Variants in PTPRQ observed in about 807,000 individuals in gnomAD.
The protein encoded by PTPRQ is phosphatidylinositol phosphatase PTPRQ.
A neutral mutation model predicts 246.0 loss-of-function variants in PTPRQ; 199 were observed. The ratio of observed to expected loss-of-function variants is 0.81; its 90% CI spans 0.72 to 0.91. PTPRQ has a LOEUF of 0.91. Among genes scored for constraint, PTPRQ ranks in the 40% least tolerant of loss-of-function variants. PTPRQ has a pLI of 0.00. For synonymous variants in PTPRQ, 869 were observed against 853.2 expected, an observed-to-expected ratio of 1.02 and a Z score of -0.32; for missense variants, 2,624 against 2,528.4, an observed-to-expected ratio of 1.04 and a Z score of -0.81.
chr12:80,546,365 T>A (rs1896305018), intron 23 of PTPRQ, among the ~76,000 whole-genome samples, 191 bp from the exon 24 acceptor site: 2 of 152,082 alleles, frequency 1.3e-5, no homozygotes, highest in Non-Finnish European at 2.9e-5. Flanking sequence ...GCCCAATTCA[T>A]CCTTGTATCA....
intron 8 of PTPRQ, among the ~76,000 whole-genome samples, chr12:80,479,113 G>A (rs1893933660): frequency 6.6e-6 from 1 of 151,818 alleles, no homozygotes; most frequent in African/African-American, 2.4e-5. Flanking sequence ...AAAATGTTAA[G>A]GGCAGCCGGA....
At chr12:80,489,519 GA>G (rs1894379881) in intron 9 of PTPRQ, among the ~76,000 whole-genome samples, 1 of 151,922 alleles carries the variant, frequency 6.6e-6, no homozygotes, top group South Asian at 2.1e-4. Context: ...AGAGTTTTCC[GA>G]AGACTTAATA....
intron 26 of PTPRQ, among the ~76,000 whole-genome samples, chr12:80,596,994 A>ACTC (rs922495952): frequency 6.6e-6 from 1 of 151,954 alleles, no homozygotes; most frequent in Non-Finnish European, 1.5e-5. Flanking sequence ...CAGAGTCTAC[A>ACTC]CTCTTAGATC....
intron 17 of PTPRQ, among the ~76,000 whole-genome samples, chr12:80,530,502 C>G (rs1372801243): frequency 1.3e-5 from 2 of 152,134 alleles, no homozygotes; most frequent in Non-Finnish European, 2.9e-5. Context: ...ACTTTGCTTG[C>G]ACTGTCTAAC....
rs1185840167 is a variant in PTPRQ at position 80,454,531 on chromosome 12, T to C, written c.391-3044T>C. The C allele has an allele frequency of 1.0e-5, 7 of 702,606 alleles. No homozygotes were observed. The East Asian group carries it at 1.6e-4, about 16-fold the overall frequency. 43.5% of individuals were successfully genotyped at this position (702,606 alleles called of 1,614,324 possible). A position where few individuals can be genotyped will look rare whatever the true frequency, so the allele number is the denominator to read the frequency against. On this transcript the variant is annotated intron_variant, in intron 3 of 44. Coordinates refer to ENST00000644991, the MANE Select transcript of PTPRQ (RefSeq NM_001145026.2). ...TCAATAGGATTGGTGAGAGTAGACA[T>C]CCTACTTTTGTTGCATTTCTTAGGG...
chr12:80,593,210 T>G (rs1897860834), intron 26 of PTPRQ, among the ~76,000 whole-genome samples: 1 of 152,158 alleles, frequency 6.6e-6, no homozygotes, highest in Non-Finnish European at 1.5e-5. Flanking sequence ...CTGGATCTTC[T>G]CTATAAAGAG....
chr12:80,530,509 T>C (rs1237503210), intron 17 of PTPRQ, among the ~76,000 whole-genome samples: 1 of 152,192 alleles, frequency 6.6e-6, no homozygotes, highest in East Asian at 1.9e-4. Context: ...TTGCACTGTC[T>C]AACGAATGGT....
At chr12:80,623,112 G>A (rs935712129) in intron 33 of PTPRQ, among the ~76,000 whole-genome samples, 1 of 152,104 alleles carries the variant, frequency 6.6e-6, no homozygotes, top group Non-Finnish European at 1.5e-5. Context: ...AGATCCTGGC[G>A]AGCTGTTGCT....
chr12:80,513,033 A>G (rs769895168), intron 17 of PTPRQ, among the ~76,000 whole-genome samples: 2 of 152,016 alleles, frequency 1.3e-5, no homozygotes, highest in Non-Finnish European at 2.9e-5. Context: ...CTAGGGGTGA[A>G]TGTTTACAGC....
chr12:80,593,747 GGT>G (rs1024913057), intron 26 of PTPRQ: 1 of 152,018 alleles, frequency 6.6e-6, no homozygotes, highest in Non-Finnish European at 1.5e-5. Context: ...CAGTTTGAGT[GGT>G]GTGTGTATAT....
At chr12:80,565,383 A>C (rs11114513) in intron 25 of PTPRQ, among the ~76,000 whole-genome samples, 66 of 152,260 alleles carry the variant, frequency 4.3e-4, no homozygotes, top group Middle Eastern at 3.4e-3. Context: ...TGTTTTTATT[A>C]ACTTATTTAG....
intron 25 of PTPRQ, among the ~76,000 whole-genome samples, chr12:80,554,348 G>A (rs1177569388): frequency 6.6e-6 from 1 of 151,986 alleles, no homozygotes; most frequent in Non-Finnish European, 1.5e-5. Flanking sequence ...CACCTACTAT[G>A]TACCCATAAA....
At chr12:80,504,038 G>A (rs903505601) in intron 14 of PTPRQ, among the ~76,000 whole-genome samples, 1 of 151,384 alleles carries the variant, frequency 6.6e-6, no homozygotes, top group African/African-American at 2.4e-5. Flanking sequence ...ATTTCTGCTT[G>A]AGATTTACTG....
At chr12:80,583,931 A>T (rs568645588) in intron 25 of PTPRQ, 4 of 152,176 alleles carry the variant, frequency 2.6e-5, no homozygotes, top group Non-Finnish European at 5.9e-5. Flanking sequence ...TCAGCTCCCA[A>T]AGATGTTCTG....
At chr12:80,448,305 G>A (rs916091567) in intron 3 of PTPRQ, among the ~76,000 whole-genome samples, 3 of 151,960 alleles carry the variant, frequency 2.0e-5, no homozygotes, top group African/African-American at 7.2e-5. Flanking sequence ...TGTCGTTAGA[G>A]TTTTCTAGAT....
chr12:80,626,642 C>T (rs1011822043), intron 33 of PTPRQ, among the ~76,000 whole-genome samples: 1 of 152,108 alleles, frequency 6.6e-6, no homozygotes, highest in Non-Finnish European at 1.5e-5. Context: ...GGTGGCAGAA[C>T]CTGCTTTCAG....
At chr12:80,480,192 T>A (rs1317641276) in intron 8 of PTPRQ, among the ~76,000 whole-genome samples, 1 of 152,072 alleles carries the variant, frequency 6.6e-6, no homozygotes, top group East Asian at 1.9e-4. Flanking sequence ...CACAGTGCAA[T>A]CAAACTAGAA....
chr12:80,651,063 T>G (rs1269399177), intron 37 of PTPRQ, among the ~76,000 whole-genome samples: 1 of 152,076 alleles, frequency 6.6e-6, no homozygotes, highest in Non-Finnish European at 1.5e-5. Flanking sequence ...GGCATTGTAT[T>G]TGGCACATAC....
chr12:80,509,719 A>T (rs1053459600), intron 16 of PTPRQ, among the ~76,000 whole-genome samples: 1 of 152,142 alleles, frequency 6.6e-6, no homozygotes, highest in Non-Finnish European at 1.5e-5. Flanking sequence ...TTACAAGTAG[A>T]TTCTAAACTA....
Sources: allele counts gnomAD v4.1 joint callset (sites outside exome capture counted in the v4.1 genomes callset), GRCh38; gene constraint gnomAD v4.1.1; transcripts MANE v1.5; gene names NCBI Gene and HGNC (gene_info 2026-07-23, HGNC 2026-07-21).